The following TNFSF4 variants were observed in gnomAD, a reference collection of about 807,000 sequenced individuals.
The protein encoded by TNFSF4 is tumor necrosis factor ligand superfamily member 4.
A neutral mutation model predicts 7.3 loss-of-function variants in TNFSF4; 4 were observed. That is an observed-to-expected ratio of 0.55 (90% CI 0.27 to 1.25). The LOEUF (loss-of-function observed/expected upper bound fraction) is 1.25. Ranked by LOEUF, TNFSF4 falls within the 50% of genes most tolerant of loss-of-function variation. The probability of loss-of-function intolerance (pLI) is 0.12; values close to 1 mark genes in which losing one functional copy is unlikely to be tolerated. For synonymous variants in TNFSF4, 76 were observed against 83.7 expected (o/e 0.91, Z 0.50); for missense variants, 181 against 208.8 (o/e 0.87, Z 0.82).
At chr1:173,430,456 T>C in the TNFSF4 span, among the ~76,000 whole-genome samples, 4 of 152,292 alleles carry the variant, frequency 2.6e-5, no homozygotes, top group Admixed American at 2.0e-4. Context: ...ATCTTGTGGG[T>C]CAGGAGTGGG....
chr1:173,394,840 AG>A, the TNFSF4 span, among the ~76,000 whole-genome samples: 12 of 152,206 alleles, frequency 7.9e-5, no homozygotes, highest in East Asian at 1.9e-3. Flanking sequence ...GCTTGCAGAT[AG>A]CAGATCATGG....
chr1:173,376,826 T>C, the TNFSF4 span, among the ~76,000 whole-genome samples: 4 of 152,224 alleles, frequency 2.6e-5, no homozygotes, highest in Non-Finnish European at 5.9e-5. Flanking sequence ...TTCTGCTCAA[T>C]CTTTGGGTCC....
chr1:173,349,359 C>A, the TNFSF4 span, among the ~76,000 whole-genome samples: 3 of 152,282 alleles, frequency 2.0e-5, no homozygotes, highest in African/African-American at 7.2e-5. Context: ...TGTTTTACAA[C>A]AGAACTCTGC....
the TNFSF4 span, among the ~76,000 whole-genome samples, chr1:173,265,024 T>C: frequency 6.6e-6 from 1 of 152,194 alleles, no homozygotes; most frequent in Non-Finnish European, 1.5e-5. Context: ...GAAATATGTG[T>C]AAAGCAAAGA....
chr1:173,315,296 C>T, the TNFSF4 span, among the ~76,000 whole-genome samples: 1 of 152,086 alleles, frequency 6.6e-6, no homozygotes, highest in Non-Finnish European at 1.5e-5. Context: ...AATCAGTCTG[C>T]TATTTCAATA....
the TNFSF4 span, among the ~76,000 whole-genome samples, chr1:173,419,964 G>C: frequency 6.6e-6 from 1 of 152,056 alleles, no homozygotes; most frequent in Non-Finnish European, 1.5e-5. Context: ...TCCTCTATCA[G>C]CATCAATGCA....
At chr1:173,203,273 A>G (rs1650023966) in intron 1 of TNFSF4, among the ~76,000 whole-genome samples, 1 of 150,250 alleles carries the variant, frequency 6.7e-6, no homozygotes, top group South Asian at 2.1e-4. Context: ...AATAGACTAT[A>G]TCTAATACCT....
chr1:173,378,877 T>TCCC, the TNFSF4 span, among the ~76,000 whole-genome samples: 5 of 131,650 alleles, frequency 3.8e-5, no homozygotes, highest in African/African-American at 1.4e-4. Flanking sequence ...AGAACCCCCC[T>TCCC]CCCCCCCCAC....
At chr1:173,266,455 T>C in the TNFSF4 span, among the ~76,000 whole-genome samples, 1 of 152,138 alleles carries the variant, frequency 6.6e-6, no homozygotes, top group Non-Finnish European at 1.5e-5. Context: ...CTAAAATATA[T>C]AGAAATGTGT....
At chr1:173,398,626 C>T in the TNFSF4 span, among the ~76,000 whole-genome samples, 1 of 151,812 alleles carries the variant, frequency 6.6e-6, no homozygotes, top group African/African-American at 2.4e-5. Flanking sequence ...CGAGGTTTCA[C>T]GGTGTTAGCC....
the TNFSF4 span, among the ~76,000 whole-genome samples, chr1:173,433,487 G>C: frequency 6.6e-6 from 1 of 151,564 alleles, no homozygotes. Flanking sequence ...TTGAGTCCAG[G>C]AGTTCCAAAC....
At chr1:173,420,217 A>C in the TNFSF4 span, among the ~76,000 whole-genome samples, 139 of 152,224 alleles carry the variant, frequency 9.1e-4, no homozygotes, top group Admixed American at 1.3e-3. Context: ...AACAAACAAA[A>C]AAAAAAGTAA....
At position 173,186,517 on chromosome 1, in the gene TNFSF4, C is replaced by T. The variant is rs761865855; in HGVS notation, c.551G>A (p.Ter184=). 1 of 1,608,754 alleles carries T rather than the reference C, an allele frequency of 6.2e-7. No individual in the cohort carries two copies. Among genetic ancestry groups the T allele is most frequent in the South Asian group, 1.1e-5 (1 of 90,182 alleles). Residue 184 remains the stop codon, a stop_retained_variant, in exon 3 of 3, where the codon TGA becomes TAA. Transcript: ENST00000281834. ...GTTTTAGATATTGCCATCAGCCCCT[C>T]AAAGGACACAGAATTCACCAGGATT... The part of the protein sequence containing the change: ...HQNPGEFCVL[*]
the TNFSF4 span, among the ~76,000 whole-genome samples, chr1:173,254,193 A>G: frequency 6.6e-6 from 1 of 152,212 alleles, no homozygotes; most frequent in Admixed American, 6.5e-5. Flanking sequence ...TACCTTTGTC[A>G]AAGACTAAGT....
chr1:173,256,574 T>C, the TNFSF4 span, among the ~76,000 whole-genome samples: 1 of 152,178 alleles, frequency 6.6e-6, no homozygotes, highest in African/African-American at 2.4e-5. Context: ...ATTCGGTCCA[T>C]AACAATGGTA....
chr1:173,308,610 C>T, the TNFSF4 span, among the ~76,000 whole-genome samples: 2 of 151,944 alleles, frequency 1.3e-5, no homozygotes, highest in Non-Finnish European at 1.5e-5. Context: ...TACTCCAAAA[C>T]TAAGTGACTT....
chr1:173,409,694 A>C, the TNFSF4 span, among the ~76,000 whole-genome samples: 161 of 152,358 alleles, frequency 1.1e-3, 1 homozygote, highest in Non-Finnish European at 1.8e-3. Flanking sequence ...TTTTCTTAAA[A>C]ATCAAGTATT....
At chr1:173,342,859 A>G in the TNFSF4 span, among the ~76,000 whole-genome samples, 1 of 152,210 alleles carries the variant, frequency 6.6e-6, no homozygotes, top group African/African-American at 2.4e-5. Flanking sequence ...ATCGTTTGGT[A>G]GTGGTGAAGG....
Position 173,199,642 on chromosome 1 carries a change from G to C in TNFSF4, c.153+7382C>G, listed in dbSNP as rs545883607. 4.6e-5 allele frequency among the ~76,000 whole-genome samples: 7 copies of C among 152,260 alleles called. No individual in the cohort carries two copies. In the South Asian group the frequency reaches 1.5e-3, roughly 32 times the overall value. ...TCTGGATTTCACATTTCTATTCTCC[G>C]GTACTGTGAGAGACTAAATTTCTGT... On this transcript the variant is annotated intron_variant, in intron 1 of 2. Coordinates refer to ENST00000281834, the MANE Select transcript of TNFSF4 (RefSeq NM_003326.5).
Sources: gnomAD v4.1 joint callset for allele counts (sites outside exome capture counted in the v4.1 genomes callset) on GRCh38, gnomAD v4.1.1 for gene constraint, MANE v1.5 for transcripts, NCBI Gene and HGNC (gene_info 2026-07-23, HGNC 2026-07-21) for gene names.